Variants in AGAP1 observed in about 807,000 individuals in gnomAD.
AGAP1 encodes the protein ArfGAP with GTPase domain, ankyrin repeat and PH domain 1, also known as arf-GAP with GTPase, ANK repeat and PH domain-containing protein 1.
Under a neutral mutation model 105.3 loss-of-function variants are expected in AGAP1, and 29 were observed. The ratio of observed to expected loss-of-function variants is 0.28; its 90% confidence interval spans 0.21 to 0.38. AGAP1 has a LOEUF of 0.38. Ranked by LOEUF, AGAP1 falls within the 10% of genes least tolerant of loss-of-function variation. AGAP1 has a pLI of 1.00. For synonymous variants in AGAP1, 509 were observed against 485.9 expected, an observed-to-expected ratio of 1.05 and a Z score of -0.63; for missense variants, 998 against 1,165.1, an observed-to-expected ratio of 0.86 and a Z score of 2.09.
At position 235,600,578 on chromosome 2, in the gene AGAP1, C is replaced by A. The variant is rs550571511; in HGVS notation, c.163+105729C>A. Among the ~76,000 whole-genome samples, 2 of 152,304 alleles carry A rather than the reference C, an allele frequency of 1.3e-5. No individual in the cohort carries two copies. The highest frequency in any genetic ancestry group is 6.5e-5 in the Admixed American group (1 of 15,308). ...ACAAGGTCCCACAATAGGCTGGCTG[C>A]AAGCTGAGGAGCAAGGAAGCCAGTC... is the stretch of plus-strand genomic sequence containing the variant. On this transcript the variant is annotated intron_variant, in intron 1 of 17. Coordinates refer to ENST00000304032, the MANE Select transcript of AGAP1 (RefSeq NM_001037131.3). This position sits in a 1 kb window ranked among gnomAD's most constrained non-coding sequence, Gnocchi z 4.8.
In AGAP1 at chr2:235,691,236, C is replaced by T. The variant is rs1314286311; in HGVS notation, c.164-17943C>T. Reference sequence around the variant, plus strand: ...GCCTTTTCCCACCGTCAATCAAGCACATGCGCATAGGGCTCTGTGCCTGGC... The same window carrying T: ...GCCTTTTCCCACCGTCAATCAAGCATATGCGCATAGGGCTCTGTGCCTGGC... On this transcript the variant is annotated intron_variant, in intron 1 of 17. Transcript: ENST00000304032. This position sits in a 1 kb window ranked among gnomAD's most constrained non-coding sequence, Gnocchi z 4.4. Among the ~76,000 whole-genome samples, 1 of 152,142 alleles carries T rather than the reference C, an allele frequency of 6.6e-6. No homozygotes were observed. The highest frequency in any genetic ancestry group is 1.5e-5 in the Non-Finnish European group (1 of 68,036).
At chr2:235,497,020 G>T (rs929449826) in intron 1 of AGAP1, among the ~76,000 whole-genome samples, 1 of 152,174 alleles carries the variant, frequency 6.6e-6, no homozygotes, top group Admixed American at 6.5e-5. Flanking sequence ...GCTGTTCTTT[G>T]CATGTTCTTC....
At chr2:235,920,851 A>G (rs1019169885) in intron 11 of AGAP1, among the ~76,000 whole-genome samples, 2 of 152,232 alleles carry the variant, frequency 1.3e-5, no homozygotes, top group African/African-American at 2.4e-5. Context: ...TTAATAACTG[A>G]TATCTGCAGA....
rs913558372 is a variant in AGAP1 at position 235,965,938 on chromosome 2, G to C, written c.1484-2524G>C. 8.5e-5 allele frequency among the ~76,000 whole-genome samples: 13 copies of C among 152,304 alleles called. No homozygotes were observed. The highest frequency in any genetic ancestry group is 3.1e-4 in the African/African-American group (13 of 41,558). On this transcript the variant is annotated intron_variant, in intron 12 of 17. Transcript: ENST00000304032. This position sits in a 1 kb window ranked among gnomAD's most constrained non-coding sequence, Gnocchi z 5.8. ...AGGAATGTTCATTTAGCAAGAGAGG[G>C]GAGCCCATTCCTCTAGGGATGGAGA...
chr2:235,908,838 C>G lies in AGAP1; in HGVS notation c.1256C>G (p.Pro419Arg). The G allele has an allele frequency of 6.2e-7, 1 of 1,614,098 alleles. No individual in the cohort carries two copies. The highest frequency in any genetic ancestry group is 8.5e-7 in the Non-Finnish European group (1 of 1,180,008). ...CCCCGAGCCACGTCAGCCTGCGCAC[C>G]CATCTCCAGCCCTAAAACCAATGGC... The part of the protein sequence containing the change: ...RPPRATSACA[P>R]ISSPKTNGLS... The change falls in exon 11 of 18, where the codon CCC becomes CGC. Residue 419 changes from proline to arginine, a missense_variant. By Grantham distance (103) the Pro-to-Arg change is moderately radical. This residue lies in a region of AGAP1 where 735 missense variants were observed against 833.4 expected (regional missense o/e 0.88). Coordinates refer to ENST00000304032, the MANE Select transcript of AGAP1 (RefSeq NM_001037131.3). This position sits in a 1 kb window ranked among gnomAD's most constrained non-coding sequence, Gnocchi z 4.4.
Position 236,014,894 on chromosome 2 carries a change from C to T in AGAP1, c.1646-21667C>T. On this transcript the variant is annotated intron_variant, in intron 13 of 17. Transcript: ENST00000304032. The surrounding 1 kb of genome is among the most constrained non-coding windows in gnomAD (Gnocchi z 6.3). ...CAACACTGAAGGTAACGCCTCCGCA[C>T]CTCCACCCGCCCACACCTCCACCTG... 2.5e-6 allele frequency: 1 copy of T among 404,848 alleles called. No homozygotes were observed. Among genetic ancestry groups the T allele is most frequent in the South Asian group, 1.8e-5 (1 of 55,070 alleles). The allele number at this position is 404,848 out of a possible 1,614,324, so 25.1% of individuals were successfully genotyped here. A position where few individuals can be genotyped will look rare whatever the true frequency, so the allele number is the denominator to read the frequency against.
chr2:235,538,122 T>G (rs1452383117), intron 1 of AGAP1, among the ~76,000 whole-genome samples: 1 of 152,232 alleles, frequency 6.6e-6, no homozygotes, highest in African/African-American at 2.4e-5. Flanking sequence ...CTATGAAGTC[T>G]AATCCATACT....
rs1947926278 is a variant in AGAP1, at chr2:235,660,895, G to A, written c.164-48284G>A. 6.6e-6 allele frequency among the ~76,000 whole-genome samples: 1 copy of A among 152,186 alleles called. No individual in the cohort carries two copies. The highest frequency in any genetic ancestry group is 1.5e-5 in the Non-Finnish European group (1 of 68,038). On this transcript the variant is annotated intron_variant, in intron 1 of 17. Transcript: ENST00000304032. This position sits in a 1 kb window ranked among gnomAD's most constrained non-coding sequence, Gnocchi z 5.3. ...GGTCACTTTCCCAAGGTCACATGTG[G>A]TTTGCATCATTCTGGCCTTGGAGCC...
intron 1 of AGAP1, among the ~76,000 whole-genome samples, chr2:235,594,289 GTTT>G (rs71400775): frequency 3.4e-5 from 5 of 148,378 alleles, no homozygotes; most frequent in Admixed American, 1.3e-4. Context: ...GCATTCTGGG[GTTT>G]TTTTTTTTTC....
chr2:235,940,256 G>A (rs553963795), intron 12 of AGAP1, among the ~76,000 whole-genome samples: 10 of 152,032 alleles, frequency 6.6e-5, no homozygotes, highest in African/African-American at 1.2e-4. Flanking sequence ...CTTCTGCTGC[G>A]TCGGTCCTAA....
intron 9 of AGAP1, among the ~76,000 whole-genome samples, chr2:235,829,392 G>A (rs1959189056): frequency 1.3e-5 from 2 of 152,214 alleles, no homozygotes; most frequent in African/African-American, 2.4e-5. Flanking sequence ...GTATTTTCAG[G>A]ATGTAGAGAC....
chr2:235,699,980 T>A (rs1950175440), intron 1 of AGAP1, among the ~76,000 whole-genome samples: 1 of 152,214 alleles, frequency 6.6e-6, no homozygotes, highest in Admixed American at 6.5e-5. Context: ...TGGGATGAAC[T>A]TCTTCCCTGC....
chr2:235,508,911 C>T (rs1941949286), intron 1 of AGAP1, among the ~76,000 whole-genome samples: 2 of 152,208 alleles, frequency 1.3e-5, no homozygotes, highest in Non-Finnish European at 1.5e-5. Flanking sequence ...GTGGCAGAGC[C>T]GGAAGTGGCA....
chr2:235,500,403 C>G (rs1309985685), intron 1 of AGAP1, among the ~76,000 whole-genome samples: 1 of 152,182 alleles, frequency 6.6e-6, no homozygotes, highest in African/African-American at 2.4e-5. Context: ...GAATGTGCCT[C>G]TCTAAGAAGT....
At chr2:235,944,542 A>G (rs1401225834) in intron 12 of AGAP1, among the ~76,000 whole-genome samples, 1 of 152,196 alleles carries the variant, frequency 6.6e-6, no homozygotes, top group African/African-American at 2.4e-5. Context: ...AAGTTGGGAA[A>G]CTCAACTTCA....
intron 12 of AGAP1, among the ~76,000 whole-genome samples, chr2:235,955,138 A>G (rs2053892318): frequency 6.6e-6 from 1 of 152,192 alleles, no homozygotes; most frequent in Non-Finnish European, 1.5e-5. Flanking sequence ...AAGAAATGAC[A>G]TGCCCAGGGT....
At position 235,972,770 on chromosome 2, in the gene AGAP1, A is replaced by G. The variant is rs986888194; in HGVS notation, c.1645+4147A>G. ...GCCGTAGAGTGTTCGTGCCTTTCAC[A>G]GCACCTCCTACAAGCCCCTGAAGCC... On this transcript the variant is annotated intron_variant, in intron 13 of 17. Coordinates refer to ENST00000304032, the MANE Select transcript of AGAP1 (RefSeq NM_001037131.3). Among the ~76,000 whole-genome samples the G allele has an allele frequency of 2.0e-5, 3 of 152,290 alleles. No homozygotes were observed. The South Asian group carries it at 6.2e-4, about 32-fold the overall frequency.
At chr2:235,885,313 C>A (rs1359103723) in intron 10 of AGAP1, among the ~76,000 whole-genome samples, 1 of 152,148 alleles carries the variant, frequency 6.6e-6, no homozygotes, top group Non-Finnish European at 1.5e-5. Flanking sequence ...ATATAATATT[C>A]CACTGTGTGG....
At position 235,767,870 on chromosome 2, in the gene AGAP1, C is replaced by T. The variant is rs185999897; in HGVS notation, c.673+17382C>T. 4.2e-3 allele frequency among the ~76,000 whole-genome samples: 627 copies of T among 150,560 alleles called. 5 individuals are homozygous for T. Among genetic ancestry groups the T allele is most frequent in the African/African-American group, 0.015 (598 of 40,920 alleles). On this transcript the variant is annotated intron_variant, in intron 6 of 17. Coordinates refer to ENST00000304032, the MANE Select transcript of AGAP1 (RefSeq NM_001037131.3). ...CGTGATTTGGACTCACTGCAACCTC[C>T]GCCTCCGAGGTTCAAGCAATTCTCC...
Sources: gnomAD v4.1 joint callset for allele counts (sites outside exome capture counted in the v4.1 genomes callset) on GRCh38, gnomAD v4.1.1 for gene constraint, gnomAD v4.1.1 regional missense constraint, Gnocchi (gnomAD v3.1) non-coding constraint, MANE v1.5 for transcripts, NCBI Gene and HGNC (gene_info 2026-07-23, HGNC 2026-07-21) for gene names.